Variants in ZNRF1 observed in about 807,000 individuals in gnomAD.
The protein encoded by ZNRF1 is zinc and ring finger 1, also known as E3 ubiquitin-protein ligase ZNRF1.
A neutral mutation model predicts 18.4 loss-of-function variants in ZNRF1; 3 were observed. The ratio of observed to expected loss-of-function variants is 0.16; its 90% CI spans 0.07 to 0.42. The LOEUF is 0.42. Ranked by LOEUF, ZNRF1 falls within the 10% of genes least tolerant of loss-of-function variation. ZNRF1 has a pLI of 0.99. For missense variants in ZNRF1, 310 were observed against 329.8 expected (o/e 0.94, Z 0.47); for synonymous variants, 157 against 144.2 (o/e 1.09, Z -0.64).
At chr16:75,029,738 T>C (rs1023294185) in intron 1 of ZNRF1, among the ~76,000 whole-genome samples, 1 of 150,618 alleles carries the variant, frequency 6.6e-6, no homozygotes, top group Admixed American at 6.6e-5. Context: ...CACTGCACTC[T>C]AGCCTGGGTA....
chr16:75,025,912 G>C (rs144808443), intron 1 of ZNRF1, among the ~76,000 whole-genome samples: 65 of 152,334 alleles, frequency 4.3e-4, no homozygotes, highest in African/African-American at 1.4e-3. Context: ...AGTCAGGCCT[G>C]CAAGAGGCAG....
At chr16:75,041,927 C>A (rs1281800535) in intron 1 of ZNRF1, among the ~76,000 whole-genome samples, 4 of 151,958 alleles carry the variant, frequency 2.6e-5, no homozygotes, top group African/African-American at 9.7e-5. Flanking sequence ...ACCTGGGAGA[C>A]GGAGGTCGCA....
intron 1 of ZNRF1, among the ~76,000 whole-genome samples, chr16:75,084,006 C>T (rs1048808975): frequency 3.9e-5 from 6 of 152,176 alleles, no homozygotes; most frequent in African/African-American, 1.4e-4. Context: ...GCATACAGTG[C>T]AGGTCAAGAG....
At chr16:75,074,976 A>C (rs1162896992) in intron 1 of ZNRF1, among the ~76,000 whole-genome samples, 1 of 152,210 alleles carries the variant, frequency 6.6e-6, no homozygotes, top group African/African-American at 2.4e-5. Flanking sequence ...AGAAGCACCC[A>C]AAAGTTCGCA....
chr16:75,018,222 G>A (rs1386854884), intron 1 of ZNRF1, among the ~76,000 whole-genome samples: 8 of 152,124 alleles, frequency 5.3e-5, no homozygotes, highest in African/African-American at 1.9e-4. Flanking sequence ...CTTTTGTTAG[G>A]ATACCCTATA....
chr16:75,078,590 C>T (rs1326701265), intron 1 of ZNRF1, among the ~76,000 whole-genome samples: 7 of 152,140 alleles, frequency 4.6e-5, no homozygotes, highest in Non-Finnish European at 1.0e-4. Context: ...TGAGCCACCA[C>T]GCCTGGCCAC....
intron 1 of ZNRF1, among the ~76,000 whole-genome samples, chr16:75,093,142 T>C (rs778334245): frequency 2.5e-4 from 38 of 152,242 alleles, no homozygotes; most frequent in Non-Finnish European, 4.6e-4. Context: ...CTCAGAACTT[T>C]GGGAGGCCGA....
intron 1 of ZNRF1, among the ~76,000 whole-genome samples, chr16:75,085,008 G>A (rs12448616): frequency 0.38 from 57,055 of 152,066 alleles, 12,754 homozygotes; most frequent in Non-Finnish European, 0.5. Context: ...GTTAACTGCA[G>A]TTCCATATTT....
At chr16:75,064,482 G>T (rs1481329535) in intron 1 of ZNRF1, among the ~76,000 whole-genome samples, 1 of 151,836 alleles carries the variant, frequency 6.6e-6, no homozygotes, top group Non-Finnish European at 1.5e-5. Context: ...TTTGAGCCCG[G>T]GGTGCAGAGG....
At chr16:75,050,726 C>G (rs975944857) in intron 1 of ZNRF1, among the ~76,000 whole-genome samples, 3 of 151,380 alleles carry the variant, frequency 2.0e-5, no homozygotes, top group Non-Finnish European at 4.4e-5. Context: ...GAAAAATTAG[C>G]TGGGCATGGT....
At chr16:75,075,449 C>T (rs1435145189) in intron 1 of ZNRF1, among the ~76,000 whole-genome samples, 3 of 152,250 alleles carry the variant, frequency 2.0e-5, no homozygotes, top group African/African-American at 2.4e-5. Flanking sequence ...CACTGTCCTA[C>T]TTAACCCTCG....
chr16:75,044,271 C>T (rs1385730190), intron 1 of ZNRF1, among the ~76,000 whole-genome samples: 1 of 152,052 alleles, frequency 6.6e-6, no homozygotes, highest in Non-Finnish European at 1.5e-5. Context: ...TCTCTGTTGC[C>T]CAGGCTAGAA....
intron 1 of ZNRF1, among the ~76,000 whole-genome samples, chr16:75,062,744 A>G (rs2035758697): frequency 1.3e-5 from 2 of 152,196 alleles, no homozygotes; most frequent in South Asian, 4.1e-4. Context: ...AGGCGTCCGG[A>G]GGGCCTGGCC....
At chr16:75,089,669 T>C (rs2036113415) in intron 1 of ZNRF1, among the ~76,000 whole-genome samples, 2 of 152,194 alleles carry the variant, frequency 1.3e-5, no homozygotes, top group South Asian at 4.1e-4. Context: ...TGTGTGACAG[T>C]GTGCTACTCA....
At chr16:75,062,218 A>G (rs573043666) in intron 1 of ZNRF1, among the ~76,000 whole-genome samples, 16 of 152,326 alleles carry the variant, frequency 1.1e-4, no homozygotes, top group African/African-American at 3.8e-4. Context: ...TTCTGCGTTC[A>G]AGAGCATGTC....
At chr16:75,084,248 A>G (rs904149381) in intron 1 of ZNRF1, among the ~76,000 whole-genome samples, 3 of 152,228 alleles carry the variant, frequency 2.0e-5, no homozygotes, top group African/African-American at 7.2e-5. Context: ...TTATATATGG[A>G]TGGAAGGAGG....
At position 75,108,462 on chromosome 16, in the gene ZNRF1, T is replaced by G. The variant is rs1047211834; in HGVS notation, c.*762T>G. 7.6e-6 allele frequency: 3 copies of G among 396,930 alleles called. No homozygotes were observed. Among genetic ancestry groups the G allele is most frequent in the African/African-American group, 4.1e-5 (2 of 48,434 alleles). 24.6% of individuals were successfully genotyped at this position (396,930 alleles called of 1,614,324 possible). ...TCGTGGATTTTTTTTTTCAGAAAAC[T>G]TAAACAAAAAAAGACTTACTAAGAA... On this transcript the variant is annotated 3_prime_UTR_variant, in exon 5 of 5. Transcript: ENST00000335325.
At chr16:75,045,242 G>A (rs1211994076) in intron 1 of ZNRF1, among the ~76,000 whole-genome samples, 4 of 152,116 alleles carry the variant, frequency 2.6e-5, no homozygotes, top group African/African-American at 7.2e-5. Flanking sequence ...CCCTGGCCAG[G>A]GCTCAAGAAA....
At chr16:75,062,611 G>T (rs193072957) in intron 1 of ZNRF1, among the ~76,000 whole-genome samples, 138 of 152,346 alleles carry the variant, frequency 9.1e-4, no homozygotes, top group Middle Eastern at 3.4e-3. Context: ...TCTCTTGGCC[G>T]CCTGCGGCAA....
Sources: gnomAD v4.1 joint callset for allele counts (sites outside exome capture counted in the v4.1 genomes callset) on GRCh38, gnomAD v4.1.1 for gene constraint, MANE v1.5 for transcripts, NCBI Gene and HGNC (gene_info 2026-07-23, HGNC 2026-07-21) for gene names.